The following GAB2 variants were observed in gnomAD, a reference collection of about 807,000 sequenced individuals.
The protein encoded by GAB2 is GRB2 associated binding protein 2, also known as GRB2-associated-binding protein 2.
Under a neutral mutation model 65.5 loss-of-function variants are expected in GAB2, and 26 were observed. The observed-to-expected ratio is 0.40, with a 90% CI of 0.29 to 0.55. GAB2 has a LOEUF of 0.55. GAB2 is among the 20% of genes least tolerant of loss of function. The pLI is 0.53. For missense variants in GAB2, 884 were observed against 875.8 expected, an observed-to-expected ratio of 1.01 and a Z score of -0.12; for synonymous variants, 321 against 329.6, an observed-to-expected ratio of 0.97 and a Z score of 0.28.
intron 2 of GAB2, among the ~76,000 whole-genome samples, chr11:78,279,607 G>T (rs1299592810): frequency 6.6e-6 from 1 of 151,924 alleles, no homozygotes; most frequent in Non-Finnish European, 1.5e-5. Context: ...CTCATAAGCA[G>T]TCGCTTCTCA....
chr11:78,416,237 T>G (rs1857193895), intron 1 of GAB2, among the ~76,000 whole-genome samples: 1 of 152,222 alleles, frequency 6.6e-6, no homozygotes, highest in Admixed American at 6.5e-5. Flanking sequence ...ATTCCTCCTA[T>G]AAATCCACGT....
chr11:78,408,178 T>C (rs1857079490), intron 1 of GAB2, among the ~76,000 whole-genome samples: 1 of 152,178 alleles, frequency 6.6e-6, no homozygotes, highest in Non-Finnish European at 1.5e-5. Context: ...GTTTAATGAC[T>C]GAAGCAAAAA....
intron 3 of GAB2, among the ~76,000 whole-genome samples, chr11:78,232,157 G>C (rs1437839932): frequency 1.3e-5 from 2 of 152,222 alleles, no homozygotes; most frequent in Non-Finnish European, 2.9e-5. Flanking sequence ...TGGTGAATGA[G>C]TCAGGGAAGA....
rs147212109 is a variant in GAB2, at chr11:78,282,708, T to C, written c.76-1807A>G. Among the ~76,000 whole-genome samples, 500 of 152,150 alleles carry C rather than the reference T, an allele frequency of 3.3e-3. 2 individuals carry two copies. Among genetic ancestry groups the C allele is most frequent in the African/African-American group, 0.012 (482 of 41,508 alleles). Reference sequence around the variant, plus strand: ...ACCACCATTTTCCCTACCTACCCCATAGGGTTATTATGTGAGCCCAAAGCA... The same window carrying C: ...ACCACCATTTTCCCTACCTACCCCACAGGGTTATTATGTGAGCCCAAAGCA... On this transcript the variant is annotated intron_variant, in intron 1 of 9. Coordinates refer to ENST00000361507, the MANE Select transcript of GAB2 (RefSeq NM_080491.3).
At chr11:78,358,083 G>A (rs908452410) in intron 1 of GAB2, among the ~76,000 whole-genome samples, 44 of 151,982 alleles carry the variant, frequency 2.9e-4, no homozygotes, top group African/African-American at 1.1e-3. Flanking sequence ...AAGAAAATGT[G>A]GCACATATAC....
At chr11:78,263,422 A>G (rs1395204631) in intron 2 of GAB2, among the ~76,000 whole-genome samples, 1 of 152,140 alleles carries the variant, frequency 6.6e-6, no homozygotes, top group Non-Finnish European at 1.5e-5. Flanking sequence ...TGACGAGGTC[A>G]GGAGATAAAG....
intron 2 of GAB2, among the ~76,000 whole-genome samples, chr11:78,250,695 C>T (rs1318577370): frequency 6.6e-6 from 1 of 152,118 alleles, no homozygotes; most frequent in Non-Finnish European, 1.5e-5. Context: ...AGGAGTGTGA[C>T]CCTGACCCTC....
chr11:78,338,953 C>T (rs1487866989), intron 1 of GAB2, among the ~76,000 whole-genome samples: 1 of 152,006 alleles, frequency 6.6e-6, no homozygotes, highest in Non-Finnish European at 1.5e-5. Context: ...GACAGAATCT[C>T]ACTCCGTTGC....
chr11:78,351,919 A>G (rs1453941692), intron 1 of GAB2, among the ~76,000 whole-genome samples: 17 of 152,176 alleles, frequency 1.1e-4, no homozygotes. Flanking sequence ...TCTAAAAAGA[A>G]TTGGGGGGCC....
chr11:78,401,114 T>TAA lies in GAB2; in HGVS notation c.75+16530_75+16531dup, dbSNP rs754665540. Reference sequence around the variant, plus strand: ...TTACTAACCTTTACCAAGTGAGGTTTAAAAAAAAAAAACTGTCATAAAATG... The same window carrying TAA: ...TTACTAACCTTTACCAAGTGAGGTTTAAAAAAAAAAAAAACTGTCATAAAATG... On this transcript the variant is annotated intron_variant, in intron 1 of 9. Transcript: ENST00000361507. Among the ~76,000 whole-genome samples the TAA allele has an allele frequency of 8.2e-3, 1,196 of 145,232 alleles. 17 individuals carry two copies. The highest frequency in any genetic ancestry group is 0.028 in the African/African-American group (1,120 of 39,942).
At chr11:78,317,782 T>C (rs958047660) in intron 1 of GAB2, among the ~76,000 whole-genome samples, 6 of 152,142 alleles carry the variant, frequency 3.9e-5, no homozygotes, top group Admixed American at 2.0e-4. Context: ...TAAACAGCCC[T>C]GCCATTATAT....
chr11:78,336,052 A>G (rs1322719797), intron 1 of GAB2, among the ~76,000 whole-genome samples: 1 of 152,000 alleles, frequency 6.6e-6, no homozygotes, highest in Non-Finnish European at 1.5e-5. Flanking sequence ...GGTGGCTCAC[A>G]CCTGCAATCC....
intron 1 of GAB2, among the ~76,000 whole-genome samples, chr11:78,328,558 G>A (rs1298828988): frequency 6.6e-6 from 1 of 152,158 alleles, no homozygotes; most frequent in Non-Finnish European, 1.5e-5. Flanking sequence ...AAACAAAGTG[G>A]TATATTCATG....
At chr11:78,388,715 C>T (rs1329380721) in intron 1 of GAB2, among the ~76,000 whole-genome samples, 1 of 152,122 alleles carries the variant, frequency 6.6e-6, no homozygotes, top group Non-Finnish European at 1.5e-5. Flanking sequence ...CAACCTTTTG[C>T]CCTCAGAGCT....
intron 1 of GAB2, among the ~76,000 whole-genome samples, chr11:78,357,325 T>TA (rs916833212): frequency 6.6e-6 from 1 of 151,988 alleles, no homozygotes; most frequent in Admixed American, 6.6e-5. Flanking sequence ...AAAGGAACCA[T>TA]AAAAAAACTG....
chr11:78,361,001 T>A (rs1565173161), intron 1 of GAB2, among the ~76,000 whole-genome samples: 1 of 152,172 alleles, frequency 6.6e-6, no homozygotes, highest in Non-Finnish European at 1.5e-5. Flanking sequence ...ACCTCATTAA[T>A]CAAAACAAAG....
intron 6 of GAB2, 46 bp from the exon 7 acceptor site, chr11:78,222,241 G>T: frequency 1.7e-6 from 2 of 1,196,646 alleles, no homozygotes; most frequent in Non-Finnish European, 2.5e-6. Flanking sequence ...TAATGATAAT[G>T]CTACACATAC....
At chr11:78,309,411 C>A (rs184988794) in intron 1 of GAB2, among the ~76,000 whole-genome samples, 2 of 152,030 alleles carry the variant, frequency 1.3e-5, no homozygotes, top group Admixed American at 6.6e-5. Context: ...CCCTCCCCAG[C>A]CTTCATGTAA....
intron 1 of GAB2, among the ~76,000 whole-genome samples, chr11:78,309,966 G>A (rs1381386544): frequency 7.0e-6 from 1 of 143,038 alleles, no homozygotes; most frequent in Non-Finnish European, 1.5e-5. Flanking sequence ...GTGTGTGTGT[G>A]TGTGTGCGCG....
Sources: allele counts gnomAD v4.1 joint callset (sites outside exome capture counted in the v4.1 genomes callset), GRCh38; gene constraint gnomAD v4.1.1; transcripts MANE v1.5; gene names NCBI Gene and HGNC (gene_info 2026-07-23, HGNC 2026-07-21).